Variants in PHLPP2 observed in about 807,000 individuals in gnomAD.
PHLPP2 encodes the protein PH domain and leucine rich repeat protein phosphatase 2.
In PHLPP2, 66 loss-of-function variants were observed where a neutral mutation model predicts 124.9. That is an observed-to-expected ratio of 0.53 (90% CI 0.43 to 0.65). The LOEUF (loss-of-function observed/expected upper bound fraction) is 0.65, where lower values mean the gene tolerates loss of function less well. Ranked by LOEUF, PHLPP2 falls within the 30% of genes least tolerant of loss-of-function variation. The pLI is 0.00. For missense variants in PHLPP2, 1,685 were observed against 1,600.4 expected (o/e 1.05, Z -0.90); for synonymous variants, 681 against 624.7 (o/e 1.09, Z -1.34).
chr16:71,699,331 T>C (rs1275795111), intron 3 of PHLPP2, among the ~76,000 whole-genome samples: 3 of 152,128 alleles, frequency 2.0e-5, no homozygotes, highest in Non-Finnish European at 4.4e-5. Context: ...ACCAATCGAA[T>C]GTTGCCTTTT....
rs772419428 is a variant in PHLPP2, at chr16:71,714,608, T to C, written c.188A>G (p.His63Arg). 1.2e-6 allele frequency: 2 copies of C among 1,614,074 alleles called. No individual in the cohort carries two copies. The highest frequency in any genetic ancestry group is 1.1e-5 in the South Asian group (1 of 91,074). ...SSSSSSSSDL[H>R]LVLCTVETPA... is the part of the protein sequence containing the mutation. ...TGTCTCTACAGTGCAAAGGACGAGATGTAAGTCAGAGGAAGAGGAGGAGGA... is the reference window on the plus strand; with the variant it reads ...TGTCTCTACAGTGCAAAGGACGAGACGTAAGTCAGAGGAAGAGGAGGAGGA... Residue 63 changes from histidine to arginine, a missense_variant, in exon 2 of 19, where the codon CAT (histidine) becomes CGT (arginine). Transcript: ENST00000568954.
chr16:71,703,844 G>T (rs972635439), intron 2 of PHLPP2, among the ~76,000 whole-genome samples: 2 of 152,152 alleles, frequency 1.3e-5, no homozygotes, highest in Non-Finnish European at 2.9e-5. Context: ...CTCACATGTA[G>T]TAAGTGTTCA....
intron 4 of PHLPP2, among the ~76,000 whole-genome samples, chr16:71,689,674 AG>A (rs1408345440): frequency 1.3e-5 from 2 of 152,048 alleles, no homozygotes; most frequent in Admixed American, 6.6e-5. Context: ...CTAGGATTAC[AG>A]GCACGAGCCA....
chr16:71,695,025 T>G (rs2045154821), intron 3 of PHLPP2, among the ~76,000 whole-genome samples: 1 of 152,100 alleles, frequency 6.6e-6, no homozygotes, highest in South Asian at 2.1e-4. Flanking sequence ...GACCTCATGA[T>G]CCGCCCGTCT....
Position 71,678,933 on chromosome 16 carries a change from A to T in PHLPP2, c.1090T>A (p.Leu364Met), listed in dbSNP as rs762404667. ...GAGGAAAGCTGTTGTAGATTTCCCA[A>T]TTCTTCAGGTAAAGTAGTCAGAAAG... ...GNFLTTLPEE[L>M]GNLQQLSSLG... The change falls in exon 8 of 19, where the codon TTG becomes ATG. Residue 364 changes from leucine (L) to methionine (M), a missense_variant. Coordinates refer to ENST00000568954, the MANE Select transcript of PHLPP2 (RefSeq NM_015020.3). 4 of 1,613,254 alleles carry T rather than the reference A, an allele frequency of 2.5e-6. No individual in the cohort carries two copies. In the Admixed American group the frequency reaches 6.7e-5, roughly 27 times the overall value.
chr16:71,677,453 C>CATATATATATAT (rs9302629), intron 8 of PHLPP2: 14 of 133,776 alleles, frequency 1.0e-4, no homozygotes, highest in African/African-American at 2.0e-4. Context: ...ATAATCTGCA[C>CATATATATATAT]ATATATATAT....
At chr16:71,722,389 T>G (rs1265739878) in intron 1 of PHLPP2, among the ~76,000 whole-genome samples, 1 of 152,068 alleles carries the variant, frequency 6.6e-6, no homozygotes, top group Non-Finnish European at 1.5e-5. Flanking sequence ...ATCGAGTCAC[T>G]GCACTCAGGC....
intron 1 of PHLPP2, chr16:71,715,035 TTG>T: frequency 1.9e-6 from 1 of 525,420 alleles, no homozygotes; most frequent in Non-Finnish European, 3.3e-6. Context: ...TCTCTTTTCC[TTG>T]TGTTTTCAGA....
chr16:71,680,206 T>C (rs761785632), intron 6 of PHLPP2, among the ~76,000 whole-genome samples: 1 of 152,210 alleles, frequency 6.6e-6, no homozygotes, highest in Non-Finnish European at 1.5e-5. Context: ...CTACATGTAA[T>C]ATACAAAATC....
chr16:71,680,307 G>T (rs1045263934), intron 6 of PHLPP2, among the ~76,000 whole-genome samples: 5 of 152,168 alleles, frequency 3.3e-5, no homozygotes, highest in African/African-American at 1.2e-4. Context: ...CTTTCATACT[G>T]AAATTATGTT....
Position 71,724,551 on chromosome 16 carries a change from T to C in PHLPP2, c.-229A>G, listed in dbSNP as rs2045420839. On this transcript the variant is annotated 5_prime_UTR_variant, in exon 1 of 19. Coordinates refer to ENST00000568954, the MANE Select transcript of PHLPP2 (RefSeq NM_015020.3). Reference sequence around the variant, plus strand: ...TGCAAGGCTGATTCAGAAAAAAACTTTTAAAAGTTAACTTCTTTTCTTTTC... The same window carrying C: ...TGCAAGGCTGATTCAGAAAAAAACTCTTAAAAGTTAACTTCTTTTCTTTTC... 6.6e-6 allele frequency: 1 copy of C among 152,242 alleles called. No individual in the cohort carries two copies. The highest frequency in any genetic ancestry group is 1.5e-5 in the Non-Finnish European group (1 of 68,052). 9.4% of individuals were successfully genotyped at this position (152,242 alleles called of 1,614,324 possible).
intron 2 of PHLPP2, among the ~76,000 whole-genome samples, chr16:71,713,470 G>A (rs980804999): frequency 2.0e-5 from 3 of 152,108 alleles, no homozygotes; most frequent in Non-Finnish European, 4.4e-5. Context: ...TCCACTTCTA[G>A]GAGTTTATCA....
intron 3 of PHLPP2, among the ~76,000 whole-genome samples, chr16:71,699,097 G>C (rs1386115477): frequency 6.6e-6 from 1 of 152,142 alleles, no homozygotes; most frequent in Non-Finnish European, 1.5e-5. Context: ...AGTTGTGTCT[G>C]GTTTCAGGAA....
intron 18 of PHLPP2, among the ~76,000 whole-genome samples, chr16:71,650,573 C>T (rs1295648874): frequency 6.6e-6 from 1 of 152,186 alleles, no homozygotes; most frequent in African/African-American, 2.4e-5. Flanking sequence ...TTTACCTATG[C>T]TCTGGGGACT....
At chr16:71,705,492 G>A (rs1250979991) in intron 2 of PHLPP2, among the ~76,000 whole-genome samples, 1 of 150,850 alleles carries the variant, frequency 6.6e-6, no homozygotes, top group East Asian at 1.9e-4. Context: ...CCTTACACAT[G>A]TCTTTTTTTT....
intron 1 of PHLPP2, among the ~76,000 whole-genome samples, chr16:71,722,902 A>G (rs1414179418): frequency 6.6e-6 from 1 of 152,000 alleles, no homozygotes; most frequent in Non-Finnish European, 1.5e-5. Context: ...CCTCCCCACT[A>G]TCGCCACCCT....
At chr16:71,679,572 A>G (rs1368299128) in intron 6 of PHLPP2, 37 bp from the exon 7 acceptor site, 1 of 1,569,778 alleles carries the variant, frequency 6.4e-7, no homozygotes, top group Non-Finnish European at 8.8e-7. Flanking sequence ...TTGCATTTCA[A>G]TACATCTATT....
In PHLPP2 at chr16:71,657,369, C is replaced by T. The variant is rs1424386778; in HGVS notation, c.2280-688G>A. 4.0e-5 allele frequency among the ~76,000 whole-genome samples: 6 copies of T among 151,330 alleles called. No homozygotes were observed. The East Asian group carries it at 5.9e-4, about 15-fold the overall frequency. ...CTGGAATTACAGGCGTGAGCCACCA[C>T]GCCCGGCCAACAATAATATTATCTT... On this transcript the variant is annotated intron_variant, in intron 15 of 18. Coordinates refer to ENST00000568954, the MANE Select transcript of PHLPP2 (RefSeq NM_015020.3).
intron 1 of PHLPP2, among the ~76,000 whole-genome samples, chr16:71,719,066 G>A (rs906282267): frequency 6.6e-6 from 1 of 152,086 alleles, no homozygotes; most frequent in Non-Finnish European, 1.5e-5. Flanking sequence ...CAGATGACAC[G>A]GTCCTCTGAG....
Sources: gnomAD v4.1 joint callset for allele counts (sites outside exome capture counted in the v4.1 genomes callset) on GRCh38, gnomAD v4.1.1 for gene constraint, MANE v1.5 for transcripts, NCBI Gene and HGNC (gene_info 2026-07-23, HGNC 2026-07-21) for gene names.